Variants in NOS1AP observed in about 807,000 individuals in gnomAD.
The protein encoded by NOS1AP is carboxyl-terminal PDZ ligand of neuronal nitric oxide synthase protein.
A neutral mutation model predicts 56.2 loss-of-function variants in NOS1AP; 21 were observed. The ratio of observed to expected loss-of-function variants is 0.37; its 90% CI spans 0.26 to 0.54. The LOEUF (loss-of-function observed/expected upper bound fraction) is 0.54. Among genes scored for constraint, NOS1AP ranks in the 20% least tolerant of loss-of-function variants. NOS1AP has a pLI of 0.84. For synonymous variants in NOS1AP, 270 were observed against 274.6 expected (o/e 0.98, Z 0.17); for missense variants, 522 against 657.8 (o/e 0.79, Z 2.26).
At chr1:162,218,753 C>A (rs1652667036) in intron 2 of NOS1AP, among the ~76,000 whole-genome samples, 1 of 152,100 alleles carries the variant, frequency 6.6e-6, no homozygotes, top group Non-Finnish European at 1.5e-5. Context: ...GTGTCCCGGG[C>A]ACCCTGTCCC....
intron 2 of NOS1AP, among the ~76,000 whole-genome samples, chr1:162,174,247 A>G (rs1442357244): frequency 6.6e-6 from 1 of 152,158 alleles, no homozygotes; most frequent in African/African-American, 2.4e-5. Flanking sequence ...TGATGAGTTC[A>G]TGTCCTTTGT....
At chr1:162,195,035 A>G (rs767581543) in intron 2 of NOS1AP, among the ~76,000 whole-genome samples, 2 of 152,090 alleles carry the variant, frequency 1.3e-5, no homozygotes, top group Non-Finnish European at 2.9e-5. Flanking sequence ...AAAGCCAGAG[A>G]TGATGTTCTC....
intron 1 of NOS1AP, among the ~76,000 whole-genome samples, chr1:162,127,471 T>G (rs761017673): frequency 9.9e-5 from 15 of 151,756 alleles, no homozygotes; most frequent in Non-Finnish European, 1.5e-4. Context: ...ACATCCTAAA[T>G]GTATTAGTTC....
intron 4 of NOS1AP, among the ~76,000 whole-genome samples, chr1:162,312,403 G>A (rs35085320): frequency 0.41 from 42,555 of 102,708 alleles, 7,206 homozygotes; most frequent in East Asian, 0.47. Flanking sequence ...GTCTGTTCAT[G>A]TCCTTCGCCC....
At chr1:162,261,220 C>G (rs1654201409) in intron 2 of NOS1AP, among the ~76,000 whole-genome samples, 1 of 138,990 alleles carries the variant, frequency 7.2e-6, no homozygotes, top group African/African-American at 2.7e-5. Flanking sequence ...CCAGGGAACT[C>G]AAGCTTTCCC....
At chr1:162,253,901 C>T (rs1251671705) in intron 2 of NOS1AP, among the ~76,000 whole-genome samples, 1 of 152,038 alleles carries the variant, frequency 6.6e-6, no homozygotes, top group Non-Finnish European at 1.5e-5. Flanking sequence ...GCAGGCGTAT[C>T]CTATGACAAG....
chr1:162,176,850 T>G (rs1651080019), intron 2 of NOS1AP, among the ~76,000 whole-genome samples: 1 of 152,156 alleles, frequency 6.6e-6, no homozygotes, highest in Admixed American at 6.5e-5. Context: ...GTACCACAGT[T>G]TTTTCACTTA....
At chr1:162,080,807 C>T (rs1246595872) in intron 1 of NOS1AP, among the ~76,000 whole-genome samples, 2 of 152,200 alleles carry the variant, frequency 1.3e-5, no homozygotes, top group Non-Finnish European at 2.9e-5. Flanking sequence ...ATTATAATTA[C>T]TGTCATTTAG....
At chr1:162,216,162 T>A (rs911828292) in intron 2 of NOS1AP, among the ~76,000 whole-genome samples, 2 of 152,262 alleles carry the variant, frequency 1.3e-5, no homozygotes, top group Admixed American at 6.5e-5. Context: ...TTCCTTTGCC[T>A]TCTCAGGTTG....
chr1:162,154,586 C>T lies in NOS1AP; in HGVS notation c.177+110C>T. On this transcript the variant is annotated intron_variant, in intron 2 of 9. Transcript: ENST00000361897. ...AATGGATGGCTACACCCCTTGCAAA[C>T]CCAAACTCCTCCTCTCTGTACCCTC... 4 of 868,950 alleles carry T rather than the reference C, an allele frequency of 4.6e-6. No individual in the cohort carries two copies. The Admixed American group carries it at 7.9e-5, about 17-fold the overall frequency. The allele number at this position is 868,950 out of a possible 1,614,324, so 53.8% of individuals were successfully genotyped here. A position where few individuals can be genotyped will look rare whatever the true frequency, so the allele number is the denominator to read the frequency against.
At chr1:162,267,525 A>C (rs1654460349) in intron 2 of NOS1AP, among the ~76,000 whole-genome samples, 1 of 151,540 alleles carries the variant, frequency 6.6e-6, no homozygotes, top group Non-Finnish European at 1.5e-5. Context: ...AACATTTGGA[A>C]AGCCAAGGTG....
chr1:162,178,614 C>T (rs1233178871), intron 2 of NOS1AP, among the ~76,000 whole-genome samples: 1 of 152,144 alleles, frequency 6.6e-6, no homozygotes, highest in Non-Finnish European at 1.5e-5. Context: ...CCTCCTGATG[C>T]CAGAGCTTTT....
At chr1:162,073,092 C>T (rs150850801) in intron 1 of NOS1AP, among the ~76,000 whole-genome samples, 1 of 152,308 alleles carries the variant, frequency 6.6e-6, no homozygotes, top group East Asian at 1.9e-4. Flanking sequence ...GGCAGAGGTT[C>T]TGTGCACTTA....
chr1:162,356,270 C>A (rs945230379), intron 7 of NOS1AP, among the ~76,000 whole-genome samples: 3 of 152,168 alleles, frequency 2.0e-5, no homozygotes, highest in African/African-American at 4.8e-5. Context: ...TTCTATGAAT[C>A]GTAGAAGCCA....
chr1:162,081,973 A>G (rs1691905632), intron 1 of NOS1AP, among the ~76,000 whole-genome samples: 1 of 151,278 alleles, frequency 6.6e-6, no homozygotes, highest in Non-Finnish European at 1.5e-5. Flanking sequence ...GCACATGTGC[A>G]GGTTTGTTGC....
intron 2 of NOS1AP, among the ~76,000 whole-genome samples, chr1:162,193,583 G>A (rs1395864543): frequency 1.3e-5 from 2 of 152,154 alleles, no homozygotes; most frequent in African/African-American, 4.8e-5. Flanking sequence ...ACCATTTACT[G>A]AATGTTTGTC....
chr1:162,294,196 T>TAAGGAAGG lies in NOS1AP; in HGVS notation c.271-6413_271-6406dup, dbSNP rs1193084437. ...GGTAGGAAGGAAGGAAGGAAGGAAG[T>TAAGGAAGG]AAGGAAGGAAGGAAGGAAGGAAGGA... is the stretch of plus-strand genomic sequence containing the variant. On this transcript the variant is annotated intron_variant, in intron 3 of 9. Transcript: ENST00000361897. Among the ~76,000 whole-genome samples, 263 of 88,286 alleles carry TAAGGAAGG rather than the reference T, an allele frequency of 3.0e-3. 1 individual carries two copies. Among genetic ancestry groups the TAAGGAAGG allele is most frequent in the African/African-American group, 7.6e-3 (250 of 32,722 alleles). The allele number at this position is 88,286 out of a possible 152,430, so 57.9% of individuals were successfully genotyped here.
chr1:162,163,521 TA>T (rs1650329118), intron 2 of NOS1AP, among the ~76,000 whole-genome samples: 1 of 152,160 alleles, frequency 6.6e-6, no homozygotes, highest in Non-Finnish European at 1.5e-5. Context: ...ATGGAGTTTA[TA>T]GGGGTGGGTG....
chr1:162,153,126 C>T (rs184774244), intron 1 of NOS1AP, among the ~76,000 whole-genome samples: 2 of 152,202 alleles, frequency 1.3e-5, no homozygotes, highest in East Asian at 1.9e-4. Context: ...AGAGATTATA[C>T]CTTTTTAATT....
Sources: gnomAD v4.1 joint callset for allele counts (sites outside exome capture counted in the v4.1 genomes callset) on GRCh38, gnomAD v4.1.1 for gene constraint, MANE v1.5 for transcripts, NCBI Gene and HGNC (gene_info 2026-07-23, HGNC 2026-07-21) for gene names.